The following EMP2 variants were observed in gnomAD, a reference collection of about 807,000 sequenced individuals.
EMP2 encodes epithelial membrane protein 2.
In EMP2, 19 loss-of-function variants were observed where a neutral mutation model predicts 13.7. The observed-to-expected ratio is 1.38, with a 90% confidence interval of 0.97 to 2.03. The LOEUF is 2.03. Ranked by LOEUF, EMP2 falls within the 30% of genes most tolerant of loss-of-function variation. The probability of loss-of-function intolerance (pLI) is 0.00; values close to 1 mark genes in which losing one functional copy is unlikely to be tolerated. For synonymous variants in EMP2, 97 were observed against 84.7 expected (o/e 1.15, Z -0.80); for missense variants, 253 against 220.7 (o/e 1.15, Z -0.93).
At chr16:10,553,542 G>C (rs2050804920) in intron 1 of EMP2, among the ~76,000 whole-genome samples, 1 of 152,110 alleles carries the variant, frequency 6.6e-6, no homozygotes, top group Non-Finnish European at 1.5e-5. Context: ...ACTTTCTTTG[G>C]CTGGAGGGGC....
At chr16:10,547,402 CATT>C in intron 2 of EMP2, 135 bp downstream of exon 2, 1 of 912,778 alleles carries the variant, frequency 1.1e-6, no homozygotes, top group Non-Finnish European at 1.6e-6. Context: ...ATTGTGAGTC[CATT>C]AGACCTCATT....
In EMP2 at chr16:10,563,939, G is replaced by A. The variant is rs552684406; in HGVS notation, c.-60-16262C>T. 3.9e-5 allele frequency among the ~76,000 whole-genome samples: 6 copies of A among 152,350 alleles called. No individual in the cohort carries two copies. The East Asian group carries it at 9.6e-4, about 24-fold the overall frequency. Reference sequence around the variant, plus strand: ...TGGGGCTTCACCCAGGAGGGTTCTTGGCTTCACCCAGGAAAGAATTCAAGG... The same window carrying A: ...TGGGGCTTCACCCAGGAGGGTTCTTAGCTTCACCCAGGAAAGAATTCAAGG... On this transcript the variant is annotated intron_variant, in intron 1 of 4. Transcript: ENST00000359543.
Position 10,547,154 on chromosome 16 carries a change from C to T in EMP2, c.78+386G>A, listed in dbSNP as rs3827954. The T allele has an allele frequency of 5.1e-4, 84 of 164,806 alleles. 2 individuals are homozygous for T. The East Asian group carries it at 0.011, about 22-fold the overall frequency. The allele number at this position is 164,806 out of a possible 1,614,324, so 10.2% of individuals were successfully genotyped here. On this transcript the variant is annotated intron_variant, in intron 2 of 4. Transcript: ENST00000359543. Reference sequence around the variant, plus strand: ...TGATATGGTTCGGCTGTGTCCCCACCCAAATCTCGTATTGTATTCCCATAA... The same window carrying T: ...TGATATGGTTCGGCTGTGTCCCCACTCAAATCTCGTATTGTATTCCCATAA...
intron 2 of EMP2, 118 bp downstream of exon 2, chr16:10,547,422 A>G (rs2142182607): frequency 9.0e-7 from 1 of 1,114,940 alleles, no homozygotes; most frequent in Admixed American, 2.5e-5. Flanking sequence ...CATTTTCCTT[A>G]TAAATTACCT....
chr16:10,550,043 G>A (rs766099803), intron 1 of EMP2, among the ~76,000 whole-genome samples: 7 of 151,504 alleles, frequency 4.6e-5, no homozygotes, highest in Non-Finnish European at 8.8e-5. Flanking sequence ...GTGTCACCAC[G>A]CCCAGCTAAT....
intron 1 of EMP2, among the ~76,000 whole-genome samples, chr16:10,567,921 G>T (rs754133620): frequency 1.3e-5 from 2 of 152,198 alleles, no homozygotes; most frequent in South Asian, 2.1e-4. Context: ...ATGAGAAAAC[G>T]GAGGGGTAGC....
chr16:10,563,807 C>T (rs538665784), intron 1 of EMP2, among the ~76,000 whole-genome samples: 123 of 152,332 alleles, frequency 8.1e-4, no homozygotes, highest in Non-Finnish European at 1.5e-3. Flanking sequence ...GGTATCCCTA[C>T]CCCTTGGACT....
At position 10,543,626 on chromosome 16, in the gene EMP2, A is replaced by C. The variant is rs1386281437; in HGVS notation, c.113T>G (p.Val38Gly). 1 of 1,614,118 alleles carries C rather than the reference A, an allele frequency of 6.2e-7. No individual in the cohort carries two copies. The change falls in exon 3 of 5, where the codon GTC becomes GGC. Residue 38 changes from valine (V) to glycine (G), a missense_variant. Physicochemically the swap from Val to Gly is moderately radical, Grantham distance 109. Transcript: ENST00000359543. ...CGTGTTGTTGGTACATATTCTCCAG[A>C]CATCTGCAAAAAACTCATCTCCTAC... ...WWVGDEFFADVWRICTNNTNC... is the reference protein window; with the variant it reads ...WWVGDEFFADGWRICTNNTNC...
chr16:10,574,293 G>A (rs1282339706), intron 1 of EMP2, among the ~76,000 whole-genome samples: 2 of 152,078 alleles, frequency 1.3e-5, no homozygotes, highest in Non-Finnish European at 2.9e-5. Flanking sequence ...TGGATATTTA[G>A]GTTGCTTCCA....
chr16:10,543,588 T>C lies in EMP2; in HGVS notation c.151A>G (p.Ile51Val), dbSNP rs73503834. 1.7e-3 allele frequency: 2,808 copies of C among 1,614,250 alleles called. 40 individuals carry two copies. In the African/African-American group the frequency reaches 0.03, roughly 17 times the overall value. Reference protein sequence around the residue: ...ICTNNTNCTVINDSFQEYSTL... With the variant: ...ICTNNTNCTVVNDSFQEYSTL... ...CACTTACCTTGAAAGCTGTCATTGA[T>C]GACTGTGCAATTCGTGTTGTTGGTA... The change falls in exon 3 of 5, where the codon ATC becomes GTC. Residue 51 changes from isoleucine to valine, a missense_variant. Coordinates refer to ENST00000359543, the MANE Select transcript of EMP2 (RefSeq NM_001424.6).
At position 10,575,979 on chromosome 16, in the gene EMP2, C is replaced by T. The variant is rs569011858; in HGVS notation, c.-61+4570G>A. ...AAAGTGTGACACGTCCATCCCAGGC[C>T]CTCTTATAAAGCCATCTCCCCAAAA... On this transcript the variant is annotated intron_variant, in intron 1 of 4. Coordinates refer to ENST00000359543, the MANE Select transcript of EMP2 (RefSeq NM_001424.6). 1.4e-3 allele frequency among the ~76,000 whole-genome samples: 208 copies of T among 152,100 alleles called. 2 individuals carry two copies. The highest frequency in any genetic ancestry group is 4.8e-3 in the African/African-American group (198 of 41,470).
chr16:10,548,116 T>C (rs2050754090), intron 1 of EMP2, among the ~76,000 whole-genome samples: 1 of 152,190 alleles, frequency 6.6e-6, no homozygotes, highest in South Asian at 2.1e-4. Context: ...GAGACTTTAC[T>C]GGACAAAAGT....
At chr16:10,572,706 C>T (rs1371056745) in intron 1 of EMP2, among the ~76,000 whole-genome samples, 1 of 152,180 alleles carries the variant, frequency 6.6e-6, no homozygotes, top group Non-Finnish European at 1.5e-5. Context: ...ATAGCACCTC[C>T]TCGACCCTCC....
chr16:10,575,254 T>A (rs1444947204), intron 1 of EMP2, among the ~76,000 whole-genome samples: 3 of 93,702 alleles, frequency 3.2e-5, no homozygotes, highest in Admixed American at 1.2e-4. Context: ...TTTTTTTTTT[T>A]TTTTTTTTTT....
intron 1 of EMP2, among the ~76,000 whole-genome samples, chr16:10,573,089 ACCC>A (rs1308554389): frequency 2.6e-5 from 4 of 152,124 alleles, no homozygotes; most frequent in Non-Finnish European, 5.9e-5. Context: ...TTGCTCTGTC[ACCC>A]AGGCTAGGGT....
intron 1 of EMP2, among the ~76,000 whole-genome samples, chr16:10,552,205 C>T (rs1488153792): frequency 2.7e-5 from 4 of 150,628 alleles, no homozygotes; most frequent in Non-Finnish European, 5.9e-5. Context: ...GTTACTTTAA[C>T]ATCAGCAGGA....
intron 4 of EMP2, 133 bp downstream of exon 4, chr16:10,537,795 G>A (rs746998279): frequency 2.6e-5 from 29 of 1,114,240 alleles, no homozygotes; most frequent in South Asian, 1.0e-4. Context: ...AACACACACC[G>A]GCACACAGCA....
At position 10,529,350 on chromosome 16, in the gene EMP2, TC is replaced by T. The variant is rs1307344509; in HGVS notation, c.*3554del. Reference sequence around the variant, plus strand: ...CTACAGGTAAGAAGCTTGGATGTTTTCTCCCTGATTTTGTCATTTCTTTCCA... The same window carrying T: ...CTACAGGTAAGAAGCTTGGATGTTTTTCCCTGATTTTGTCATTTCTTTCCA... On this transcript the variant is annotated 3_prime_UTR_variant, in exon 5 of 5. Transcript: ENST00000359543. 1 of 152,170 alleles carries T rather than the reference TC, an allele frequency of 6.6e-6. No individual in the cohort carries two copies. Among genetic ancestry groups the T allele is most frequent in the Non-Finnish European group, 1.5e-5 (1 of 68,034 alleles). The allele number at this position is 152,170 out of a possible 1,614,324, so 9.4% of individuals were successfully genotyped here.
At chr16:10,571,040 T>G (rs1180468380) in intron 1 of EMP2, among the ~76,000 whole-genome samples, 2 of 151,084 alleles carry the variant, frequency 1.3e-5, no homozygotes, top group Non-Finnish European at 3.0e-5. Flanking sequence ...GGGTGGATCA[T>G]GAGGTCAAGA....
Sources: gnomAD v4.1 joint callset for allele counts (sites outside exome capture counted in the v4.1 genomes callset) on GRCh38, gnomAD v4.1.1 for gene constraint, MANE v1.5 for transcripts, NCBI Gene and HGNC (gene_info 2026-07-23, HGNC 2026-07-21) for gene names.